The following FAT1 variants were observed in gnomAD, a reference collection of about 807,000 sequenced individuals.
FAT1 encodes the protein protocadherin Fat 1.
Under a neutral mutation model 329.8 loss-of-function variants are expected in FAT1, and 171 were observed. The ratio of observed to expected loss-of-function variants is 0.52; its 90% CI spans 0.46 to 0.59. The LOEUF (loss-of-function observed/expected upper bound fraction) is 0.59. Among genes scored for constraint, FAT1 ranks in the 20% least tolerant of loss-of-function variants. The probability of loss-of-function intolerance (pLI) is 0.00; values close to 1 mark genes in which losing one functional copy is unlikely to be tolerated. For synonymous variants in FAT1, 2,233 were observed against 2,228.6 expected, an observed-to-expected ratio of 1.00 and a Z score of -0.06; for missense variants, 5,672 against 5,774.4, an observed-to-expected ratio of 0.98 and a Z score of 0.57.
At chr4:186,599,199 C>A (rs1738673848) in intron 22 of FAT1, among the ~76,000 whole-genome samples, 2 of 152,192 alleles carry the variant, frequency 1.3e-5, no homozygotes, top group African/African-American at 2.4e-5. Context: ...CTGGCCCACT[C>A]TACGCACACA....
chr4:186,634,372 C>G (rs754571086), intron 6 of FAT1, among the ~76,000 whole-genome samples: 8 of 152,008 alleles, frequency 5.3e-5, no homozygotes, highest in African/African-American at 1.9e-4. Flanking sequence ...AGTTTCTATC[C>G]TATTAATATT....
rs907169070 is a variant in FAT1 at position 186,595,916 on chromosome 4, G to A, written c.13001-90C>T. On this transcript the variant is annotated intron_variant, in intron 25 of 26. Coordinates refer to ENST00000441802, the MANE Select transcript of FAT1 (RefSeq NM_005245.4). ...TGAGACACACCATGCATTACCCAAC[G>A]ATGGCCTGAGATTTACTCAATAAAT... 1.5e-5 allele frequency: 20 copies of A among 1,302,936 alleles called. No homozygotes were observed. The Admixed American group carries it at 3.1e-4, about 20-fold the overall frequency. The allele number at this position is 1,302,936 out of a possible 1,614,324, so 80.7% of individuals were successfully genotyped here. A position where few individuals can be genotyped will look rare whatever the true frequency, so the allele number is the denominator to read the frequency against.
At position 186,652,006 on chromosome 4, in the gene FAT1, A is replaced by G. The variant is rs115929554; in HGVS notation, c.3580+11293T>C. Among the ~76,000 whole-genome samples, 230 of 152,340 alleles carry G rather than the reference A, an allele frequency of 1.5e-3. 3 individuals carry two copies. The highest frequency in any genetic ancestry group is 5.3e-3 in the African/African-American group (219 of 41,586). On this transcript the variant is annotated intron_variant, in intron 3 of 26. Transcript: ENST00000441802. ...GAGGCTGGAAAGCAGCTCAGAACTC[A>G]TTTAGTTCAAACTTTCAGAGTTCCA... is the stretch of plus-strand genomic sequence containing the variant.
At chr4:186,716,697 T>A (rs190820517) in intron 1 of FAT1, among the ~76,000 whole-genome samples, 1 of 152,312 alleles carries the variant, frequency 6.6e-6, no homozygotes, top group African/African-American at 2.4e-5. Flanking sequence ...GGATTACAGT[T>A]GTGAGCCACT....
intron 2 of FAT1, among the ~76,000 whole-genome samples, chr4:186,677,943 G>C (rs916149198): frequency 5.9e-5 from 9 of 151,812 alleles, no homozygotes; most frequent in African/African-American, 2.2e-4. Flanking sequence ...ACTGAAACAA[G>C]AAAAAATGAA....
intron 26 of FAT1, among the ~76,000 whole-genome samples, chr4:186,593,567 G>T (rs962774635): frequency 6.6e-6 from 1 of 152,162 alleles, no homozygotes; most frequent in Non-Finnish European, 1.5e-5. Context: ...GTAATCATAA[G>T]GGTAACTTTT....
intron 1 of FAT1, among the ~76,000 whole-genome samples, chr4:186,713,587 A>T (rs190084556): frequency 6.6e-6 from 1 of 152,240 alleles, no homozygotes; most frequent in African/African-American, 2.4e-5. Flanking sequence ...AGAGACAGAG[A>T]GTTTCGCTAC....
At chr4:186,622,154 G>A (rs564106867) in intron 9 of FAT1, among the ~76,000 whole-genome samples, 1 of 152,268 alleles carries the variant, frequency 6.6e-6, no homozygotes, top group African/African-American at 2.4e-5. Context: ...GACCACATTT[G>A]TATTTTCAAC....
At chr4:186,720,750 G>A (rs1579511957) in intron 1 of FAT1, among the ~76,000 whole-genome samples, 3 of 152,342 alleles carry the variant, frequency 2.0e-5, no homozygotes, top group Non-Finnish European at 4.4e-5. Context: ...CTGGCCCAAT[G>A]TTTGACACAG....
intron 16 of FAT1, 73 bp from the exon 17 acceptor site, chr4:186,606,286 T>G: frequency 6.5e-7 from 1 of 1,548,372 alleles, no homozygotes; most frequent in Non-Finnish European, 8.8e-7. Flanking sequence ...AGTGTCCTCC[T>G]GAGAGTCCTG....
At chr4:186,670,370 T>C (rs1237594825) in intron 2 of FAT1, among the ~76,000 whole-genome samples, 1 of 152,198 alleles carries the variant, frequency 6.6e-6, no homozygotes, top group Non-Finnish European at 1.5e-5. Flanking sequence ...ATTTTAACGA[T>C]ATTTTCCCTA....
rs898457153 is a variant in FAT1 at position 186,620,229 on chromosome 4, G to A, written c.6357C>T (p.Tyr2119=). The A allele has an allele frequency of 6.2e-7, 1 of 1,613,986 alleles. No homozygotes were observed. The highest frequency in any genetic ancestry group is 8.5e-7 in the Non-Finnish European group (1 of 1,179,880). Residue 2119 remains tyrosine (Y), a synonymous_variant, in exon 10 of 27, where the codon TAC becomes TAT. Transcript: ENST00000441802. ...DSGRNGEVHY[Y]LKEHHEHFQI... ...GAAAGTGTTCATGATGTTCCTTGAG[G>A]TAGTAATGCACTTCCCCGTTTCTGC...
chr4:186,714,199 T>A (rs227585), intron 1 of FAT1, among the ~76,000 whole-genome samples: 3 of 151,734 alleles, frequency 2.0e-5, no homozygotes, highest in African/African-American at 7.3e-5. Flanking sequence ...ACAACACAGG[T>A]GGAGCGCGTG....
chr4:186,660,674 A>AACAGC (rs1259236776), intron 3 of FAT1, among the ~76,000 whole-genome samples: 12 of 152,232 alleles, frequency 7.9e-5, no homozygotes, highest in African/African-American at 2.9e-4. Context: ...TTCTGAAGAC[A>AACAGC]ACAGCACAGA....
At chr4:186,688,800 G>A (rs1743611287) in intron 2 of FAT1, among the ~76,000 whole-genome samples, 2 of 152,204 alleles carry the variant, frequency 1.3e-5, no homozygotes, top group Admixed American at 1.3e-4. Flanking sequence ...GTGTATCTGT[G>A]AGATACAAAG....
intron 2 of FAT1, among the ~76,000 whole-genome samples, chr4:186,699,799 T>C (rs1257307118): frequency 6.6e-6 from 1 of 151,082 alleles, no homozygotes; most frequent in Non-Finnish European, 1.5e-5. Flanking sequence ...ACTAAAATAA[T>C]CCAAAAAGTA....
Position 186,720,556 on chromosome 4 carries a change from A to G in FAT1, c.-19+3108T>C, listed in dbSNP as rs151138513. 2.6e-5 allele frequency among the ~76,000 whole-genome samples: 4 copies of G among 152,264 alleles called. No individual in the cohort carries two copies. The East Asian group carries it at 7.7e-4, about 29-fold the overall frequency. On this transcript the variant is annotated intron_variant, in intron 1 of 26. Transcript: ENST00000441802. ...GATTCACACTTCCCTCAGAACTCAC[A>G]TTATCCTAAATCCACCTGCCCCAGA...
intron 2 of FAT1, among the ~76,000 whole-genome samples, chr4:186,678,449 T>C (rs1743048833): frequency 6.7e-6 from 1 of 149,400 alleles, no homozygotes; most frequent in Non-Finnish European, 1.5e-5. Flanking sequence ...TAATAATAAA[T>C]AAATATTTAT....
At chr4:186,692,757 T>C (rs1367039367) in intron 2 of FAT1, among the ~76,000 whole-genome samples, 1 of 152,156 alleles carries the variant, frequency 6.6e-6, no homozygotes, top group African/African-American at 2.4e-5. Flanking sequence ...TTTCCCCAAG[T>C]ATTCCATTCT....
Sources: allele counts gnomAD v4.1 joint callset (sites outside exome capture counted in the v4.1 genomes callset), GRCh38; gene constraint gnomAD v4.1.1; transcripts MANE v1.5; gene names NCBI Gene and HGNC (gene_info 2026-07-23, HGNC 2026-07-21).